Variants in DPP6 observed in about 807,000 individuals in gnomAD.
The protein encoded by DPP6 is A-type potassium channel modulatory protein DPP6.
Under a neutral mutation model 122.6 loss-of-function variants are expected in DPP6, and 69 were observed. The ratio of observed to expected loss-of-function variants is 0.56; its 90% CI spans 0.46 to 0.69. The LOEUF (loss-of-function observed/expected upper bound fraction) is 0.69, where lower values mean the gene tolerates loss of function less well. Ranked by LOEUF, DPP6 falls within the 30% of genes least tolerant of loss-of-function variation. DPP6 has a pLI of 0.00. For missense variants in DPP6, 928 were observed against 1,116.9 expected, an observed-to-expected ratio of 0.83 and a Z score of 2.41; for synonymous variants, 418 against 433.1, an observed-to-expected ratio of 0.97 and a Z score of 0.43.
chr7:153,974,122 G>T (rs1177407501), intron 1 of DPP6, among the ~76,000 whole-genome samples: 2 of 152,126 alleles, frequency 1.3e-5, no homozygotes, highest in African/African-American at 2.4e-5. Context: ...ATGAGAATCC[G>T]TGGGCTTTTT....
In DPP6 at chr7:154,801,462, G is replaced by C; in HGVS notation, c.1407G>C (p.Gln469His). 6.4e-7 allele frequency: 1 copy of C among 1,571,458 alleles called. No homozygotes were observed. The highest frequency in any genetic ancestry group is 8.6e-7 in the Non-Finnish European group (1 of 1,156,828). ...KFYHITVSSS[Q>H]PNSSNDNIQS... ...ATCACATCACGGTGTCCTCGTCCCA[G>C]GTAAGTCCTGCTAGTTTCCGGAGCT... Residue 469 changes from glutamine to histidine, a missense_variant and splice_region_variant, in exon 13 of 26, where the codon CAG becomes CAC. Transcript: ENST00000377770.
chr7:153,883,379 T>C (rs966033185), upstream of DPP6, among the ~76,000 whole-genome samples: 2 of 115,656 alleles, frequency 1.7e-5, no homozygotes, highest in South Asian at 2.8e-4. Context: ...CTTCTTTTCC[T>C]TTTTTTTGTT....
chr7:153,912,994 T>C (rs929033709), intron 1 of DPP6, among the ~76,000 whole-genome samples: 2 of 152,236 alleles, frequency 1.3e-5, no homozygotes, highest in Non-Finnish European at 2.9e-5. Context: ...TGTTAGCTGG[T>C]AACCAACGAT....
At chr7:154,742,731 G>C (rs541960086) in intron 8 of DPP6, among the ~76,000 whole-genome samples, 2 of 152,216 alleles carry the variant, frequency 1.3e-5, no homozygotes, top group Non-Finnish European at 2.9e-5. Flanking sequence ...TGGCATCTCT[G>C]ATGAATGTTC....
rs377730527 is a variant in DPP6, at chr7:154,769,398, C to T, written c.884-19C>T. On this transcript the variant is annotated intron_variant, in intron 8 of 25. Coordinates refer to ENST00000377770, the MANE Select transcript of DPP6 (RefSeq NM_130797.4). ...CTCACTTGTTACTATTCACATTTCT[C>T]TACTCTGTTTTCCCTTAGAGGAGAT... 5 of 1,612,992 alleles carry T rather than the reference C, an allele frequency of 3.1e-6. No individual in the cohort carries two copies. The highest frequency in any genetic ancestry group is 3.4e-6 in the Non-Finnish European group (4 of 1,179,656).
intron 1 of DPP6, among the ~76,000 whole-genome samples, chr7:154,353,958 G>T (rs1216574884): frequency 6.6e-6 from 1 of 152,148 alleles, no homozygotes; most frequent in Non-Finnish European, 1.5e-5. Flanking sequence ...AATTCTCCCT[G>T]AAGTCCTTGA....
At chr7:153,849,073 G>T in the DPP6 span, among the ~76,000 whole-genome samples, 1 of 152,006 alleles carries the variant, frequency 6.6e-6, no homozygotes, top group African/African-American at 2.4e-5. Context: ...TAATCTGTAG[G>T]AATTCATTGA....
intron 1 of DPP6, among the ~76,000 whole-genome samples, chr7:154,276,090 G>A (rs1804109326): frequency 6.6e-6 from 1 of 152,236 alleles, no homozygotes; most frequent in Admixed American, 6.5e-5. Context: ...CGCTGTGCAT[G>A]AGAATGAGGA....
At chr7:153,976,776 A>C (rs907245698) in intron 1 of DPP6, among the ~76,000 whole-genome samples, 26 of 152,200 alleles carry the variant, frequency 1.7e-4, no homozygotes, top group Non-Finnish European at 3.5e-4. Context: ...GAGGATGCCC[A>C]TGGGGACTTG....
chr7:154,621,591 C>A (rs937709164), intron 5 of DPP6, among the ~76,000 whole-genome samples: 2 of 152,080 alleles, frequency 1.3e-5, no homozygotes, highest in Admixed American at 6.6e-5. Context: ...GGTCTTGAAC[C>A]CCTGACCTCA....
chr7:153,863,414 C>A, the DPP6 span, among the ~76,000 whole-genome samples: 1 of 152,100 alleles, frequency 6.6e-6, no homozygotes, highest in Non-Finnish European at 1.5e-5. Flanking sequence ...ACAACAACAA[C>A]AAACCTTCCA....
chr7:154,275,911 C>A (rs530187228), intron 1 of DPP6, among the ~76,000 whole-genome samples: 155 of 152,356 alleles, frequency 1.0e-3, no homozygotes, highest in Admixed American at 3.6e-3. Context: ...CCCTCCGGCT[C>A]CAAATCAAAT....
intron 1 of DPP6, among the ~76,000 whole-genome samples, chr7:154,226,885 T>A (rs1800636552): frequency 6.6e-6 from 1 of 152,104 alleles, no homozygotes; most frequent in Non-Finnish European, 1.5e-5. Context: ...AATCTCTCTT[T>A]TACACCTAGT....
Position 154,492,636 on chromosome 7 carries a change from G to A in DPP6, c.457+17599G>A, listed in dbSNP as rs1824378859. The stretch of plus-strand genomic sequence containing the variant: ...TCACAACCATTCCTGCTGGCTGGTG[G>A]TATCTCCATTTTACATATGAGGAAA... On this transcript the variant is annotated intron_variant, in intron 3 of 25. Transcript: ENST00000377770. Among the ~76,000 whole-genome samples the A allele has an allele frequency of 2.0e-5, 3 of 152,084 alleles. No homozygotes were observed. In the South Asian group the frequency reaches 6.2e-4, roughly 32 times the overall value.
At chr7:154,348,296 C>G (rs1810565718) in intron 1 of DPP6, among the ~76,000 whole-genome samples, 1 of 152,224 alleles carries the variant, frequency 6.6e-6, no homozygotes, top group Non-Finnish European at 1.5e-5. Context: ...AAGTGGCAGA[C>G]TTACTGACAG....
chr7:153,958,381 AC>A (rs1795167314), intron 1 of DPP6, among the ~76,000 whole-genome samples: 1 of 151,892 alleles, frequency 6.6e-6, no homozygotes, highest in Non-Finnish European at 1.5e-5. Flanking sequence ...AACAGGGAGG[AC>A]CCCATGCAGG....
chr7:154,238,488 A>G (rs935039008), intron 1 of DPP6, among the ~76,000 whole-genome samples: 1 of 152,200 alleles, frequency 6.6e-6, no homozygotes, highest in Admixed American at 6.5e-5. Context: ...TCAGAGTCGG[A>G]TTAGACTGTC....
intron 16 of DPP6, among the ~76,000 whole-genome samples, chr7:154,839,232 A>C (rs2150545673): frequency 6.6e-6 from 1 of 152,378 alleles, no homozygotes; most frequent in South Asian, 2.1e-4. Flanking sequence ...TGGTGGTATC[A>C]TTCCCATTTC....
Position 154,382,073 on chromosome 7 carries a change from C to CTT in DPP6, c.244-64127_244-64126dup, listed in dbSNP as rs55970006. On this transcript the variant is annotated intron_variant, in intron 1 of 25. Transcript: ENST00000377770. Reference sequence around the variant, plus strand: ...TTTCAGAAACCCCCCTTTTTTTTTCCTTTTTTTTTTTTTTTCAATGATCTC... The same window carrying CTT: ...TTTCAGAAACCCCCCTTTTTTTTTCCTTTTTTTTTTTTTTTTTCAATGATCTC... Among the ~76,000 whole-genome samples, 326 of 130,784 alleles carry CTT rather than the reference C, an allele frequency of 2.5e-3. 1 individual carries two copies. Among genetic ancestry groups the CTT allele is most frequent in the Middle Eastern group, 0.012 (3 of 248 alleles). The allele number at this position is 130,784 out of a possible 152,430, so 85.8% of individuals were successfully genotyped here.
Sources: gnomAD v4.1 joint callset for allele counts (sites outside exome capture counted in the v4.1 genomes callset) on GRCh38, gnomAD v4.1.1 for gene constraint, MANE v1.5 for transcripts, NCBI Gene and HGNC (gene_info 2026-07-23, HGNC 2026-07-21) for gene names.